DOCK5: variants seen among roughly 807,000 people sequenced by gnomAD.
DOCK5 encodes dedicator of cytokinesis 5.
In DOCK5, 142 loss-of-function variants were observed where a neutral mutation model predicts 251.8. The ratio of observed to expected loss-of-function variants is 0.56; its 90% CI spans 0.49 to 0.65. The LOEUF (loss-of-function observed/expected upper bound fraction) is 0.65, where lower values mean the gene tolerates loss of function less well. DOCK5 is among the 30% of genes least tolerant of loss of function. DOCK5 has a pLI of 0.00. For missense variants in DOCK5, 2,111 were observed against 2,312.3 expected (o/e 0.91, Z 1.79); for synonymous variants, 842 against 835.5 (o/e 1.01, Z -0.13).
At chr8:25,196,284 G>A (rs1298907416) in intron 1 of DOCK5, among the ~76,000 whole-genome samples, 1 of 152,202 alleles carries the variant, frequency 6.6e-6, no homozygotes, top group East Asian at 1.9e-4. Context: ...CAGAGTTTAG[G>A]AGGTTCTGAG....
intron 27 of DOCK5, among the ~76,000 whole-genome samples, chr8:25,352,751 G>T (rs1024347126): frequency 2.0e-5 from 3 of 152,100 alleles, no homozygotes; most frequent in Non-Finnish European, 4.4e-5. Context: ...TGCCTTTGAG[G>T]AGCTGACATT....
Position 25,332,843 on chromosome 8 carries a change from A to C in DOCK5, c.2091+151A>C, listed in dbSNP as rs567738022. ...TGTTTTAGGCTGAATTCCTAGAAGT[A>C]CTATTAGAAACAAATGACTTATATT... is the stretch of plus-strand genomic sequence containing the variant. On this transcript the variant is annotated intron_variant, in intron 20 of 51. Coordinates refer to ENST00000276440, the MANE Select transcript of DOCK5 (RefSeq NM_024940.8). 2.6e-5 allele frequency among the ~76,000 whole-genome samples: 4 copies of C among 152,378 alleles called. No homozygotes were observed. The East Asian group carries it at 7.7e-4, about 29-fold the overall frequency.
At chr8:25,373,716 T>C in intron 36 of DOCK5, 58 bp downstream of exon 36, 1 of 1,492,108 alleles carries the variant, frequency 6.7e-7, no homozygotes, top group South Asian at 1.2e-5. Context: ...GTGATTGATT[T>C]CTTCAGTAAA....
chr8:25,325,429 G>A lies in DOCK5; in HGVS notation c.1785G>A (p.Met595Ile), dbSNP rs368432362. ...YLTLPGTKME[M>I]EEKELQASKN... ...CCCTGCCTGGAACCAAGATGGAGAT[G>A]GAAGAAAAAGAGCTTCAAGCATCCA... Residue 595 changes from methionine to isoleucine, a missense_variant, in exon 18 of 52, where the codon ATG (methionine) becomes ATA (isoleucine). By Grantham distance (10) the Met-to-Ile change is conservative. Coordinates refer to ENST00000276440, the MANE Select transcript of DOCK5 (RefSeq NM_024940.8). 21 of 1,613,830 alleles carry A rather than the reference G, an allele frequency of 1.3e-5. No individual in the cohort carries two copies. The highest frequency in any genetic ancestry group is 2.7e-5 in the African/African-American group (2 of 74,910).
At chr8:25,411,131 G>A in intron 51 of DOCK5, 63 bp from the exon 52 acceptor site, 3 of 1,438,398 alleles carry the variant, frequency 2.1e-6, no homozygotes, top group Non-Finnish European at 2.8e-6. Flanking sequence ...GAAATAGGAG[G>A]AGAAGGCAGA....
chr8:25,323,906 T>A lies in DOCK5; in HGVS notation c.1674T>A (p.Asp558Glu), dbSNP rs137989255. ...CCTTCGTGAAGCTGATGAACCCGGA[T>A]GGCACCACTCTGCAGGATGGGAGGC... ...GVAFVKLMNP[D>E]GTTLQDGRHD... The change falls in exon 17 of 52, where the codon GAT becomes GAA. Residue 558 changes from aspartate to glutamate, a missense_variant. Asp to Glu is a conservative substitution (Grantham distance 45, BLOSUM62 2). Coordinates refer to ENST00000276440, the MANE Select transcript of DOCK5 (RefSeq NM_024940.8). The A allele has an allele frequency of 1.2e-6, 2 of 1,613,418 alleles. No individual in the cohort carries two copies. Among genetic ancestry groups the A allele is most frequent in the African/African-American group, 2.7e-5 (2 of 74,930 alleles).
At chr8:25,245,907 CTT>C (rs941310850) in intron 2 of DOCK5, among the ~76,000 whole-genome samples, 1 of 151,996 alleles carries the variant, frequency 6.6e-6, no homozygotes, top group Non-Finnish European at 1.5e-5. Flanking sequence ...TATATGCTAA[CTT>C]TTTTTTCCTG....
chr8:25,192,432 T>C (rs1801606519), intron 1 of DOCK5, among the ~76,000 whole-genome samples: 1 of 152,234 alleles, frequency 6.6e-6, no homozygotes, highest in Non-Finnish European at 1.5e-5. Context: ...ATCGTCACCT[T>C]GGTTTTGCCC....
intron 1 of DOCK5, among the ~76,000 whole-genome samples, chr8:25,239,339 G>A (rs868632538): frequency 1.4e-3 from 129 of 93,416 alleles, no homozygotes; most frequent in African/African-American, 2.5e-3. Flanking sequence ...GTGTGTGTGT[G>A]TATGTGTGTG....
At chr8:25,402,161 CTT>C (rs1303163263) in intron 47 of DOCK5, among the ~76,000 whole-genome samples, 1 of 152,178 alleles carries the variant, frequency 6.6e-6, no homozygotes, top group African/African-American at 2.4e-5. Context: ...CAGGATCTCT[CTT>C]TGTCACCCAG....
At chr8:25,218,141 T>C (rs1802295880) in intron 1 of DOCK5, among the ~76,000 whole-genome samples, 1 of 152,174 alleles carries the variant, frequency 6.6e-6, no homozygotes, top group Admixed American at 6.5e-5. Context: ...AGCTAGGTCA[T>C]TGGTGTCTCT....
chr8:25,380,202 C>G (rs537373769), intron 38 of DOCK5, 103 bp from the exon 39 acceptor site: 5 of 1,002,786 alleles, frequency 5.0e-6, no homozygotes, highest in African/African-American at 1.6e-5. Flanking sequence ...AACTCAATCC[C>G]CCAGACCACT....
chr8:25,199,020 G>C (rs17053196), intron 1 of DOCK5, among the ~76,000 whole-genome samples: 22,036 of 152,166 alleles, frequency 0.14, 2,618 homozygotes, highest in African/African-American at 0.33. Context: ...AGCCTGCAAA[G>C]TGGAAGTGAC....
At chr8:25,330,646 C>T (rs1320813672) in intron 18 of DOCK5, among the ~76,000 whole-genome samples, 5 of 152,164 alleles carry the variant, frequency 3.3e-5, no homozygotes, top group South Asian at 2.1e-4. Flanking sequence ...CCTGTAGACA[C>T]GAGGAATCCC....
At chr8:25,241,356 T>C (rs948044530) in intron 1 of DOCK5, among the ~76,000 whole-genome samples, 4 of 151,984 alleles carry the variant, frequency 2.6e-5, no homozygotes, top group African/African-American at 7.3e-5. Context: ...CGGGCACCTG[T>C]AGTCCCAGCT....
At chr8:25,223,697 T>A (rs576957239) in intron 1 of DOCK5, among the ~76,000 whole-genome samples, 66 of 152,376 alleles carry the variant, frequency 4.3e-4, no homozygotes, top group African/African-American at 1.6e-3. Context: ...GCTATTATTG[T>A]CAAGAGAGGT....
rs938218393 is a variant in DOCK5, at chr8:25,400,805, T to A, written c.4789-124T>A. On this transcript the variant is annotated intron_variant, in intron 46 of 51. Transcript: ENST00000276440. ...ACAAGTCCTACACTGAGAAGTGGCCTTCCCATTGGCCAGCACTATGTCTAG... is the reference window on the plus strand; with the variant it reads ...ACAAGTCCTACACTGAGAAGTGGCCATCCCATTGGCCAGCACTATGTCTAG... 2.1e-5 allele frequency: 22 copies of A among 1,056,476 alleles called. No individual in the cohort carries two copies. In the African/African-American group the frequency reaches 3.3e-4, roughly 16 times the overall value. 65.4% of individuals were successfully genotyped at this position (1,056,476 alleles called of 1,614,324 possible). A position where few individuals can be genotyped will look rare whatever the true frequency, so the allele number is the denominator to read the frequency against.
chr8:25,249,147 T>C (rs1176306713), intron 2 of DOCK5, among the ~76,000 whole-genome samples: 1 of 152,064 alleles, frequency 6.6e-6, no homozygotes, highest in African/African-American at 2.4e-5. Context: ...TACTGGTACA[T>C]GCCACCATGC....
Position 25,210,008 on chromosome 8 carries a change from T to TTATATATA in DOCK5, c.43+25076_43+25083dup, listed in dbSNP as rs375221561. Among the ~76,000 whole-genome samples the TTATATATA allele has an allele frequency of 4.8e-4, 13 of 27,210 alleles. 2 individuals carry two copies. The highest frequency in any genetic ancestry group is 8.6e-4 in the African/African-American group (8 of 9,296). 17.9% of individuals were successfully genotyped at this position (27,210 alleles called of 152,430 possible). ...GGCACATGCCACCATCCCCGGCTAA[T>TTATATATA]TATATATATATATATATATATATAT... On this transcript the variant is annotated intron_variant, in intron 1 of 51. Transcript: ENST00000276440.
Sources: allele counts gnomAD v4.1 joint callset (sites outside exome capture counted in the v4.1 genomes callset), GRCh38; gene constraint gnomAD v4.1.1; transcripts MANE v1.5; gene names NCBI Gene and HGNC (gene_info 2026-07-23, HGNC 2026-07-21).